The following CPNE7 variants were observed in gnomAD, a reference collection of about 807,000 sequenced individuals.
The protein encoded by CPNE7 is copine 7.
In CPNE7, 78 loss-of-function variants were observed where a neutral mutation model predicts 66.5. The observed-to-expected ratio is 1.17, with a 90% CI of 0.98 to 1.42. The LOEUF is 1.42. Among genes scored for constraint, CPNE7 ranks in the 40% most tolerant of loss-of-function variants. The pLI is 0.00. For synonymous variants in CPNE7, 468 were observed against 336.7 expected, an observed-to-expected ratio of 1.39 and a Z score of -4.27; for missense variants, 1,012 against 776.6, an observed-to-expected ratio of 1.30 and a Z score of -3.60.
Position 89,576,003 on chromosome 16 carries a change from C to T in CPNE7, c.106C>T (p.Arg36Cys). 2 of 1,375,756 alleles carry T rather than the reference C, an allele frequency of 1.5e-6. No homozygotes were observed. The highest frequency in any genetic ancestry group is 3.2e-5 in the Admixed American group (1 of 31,728). 85.2% of individuals were successfully genotyped at this position (1,375,756 alleles called of 1,614,324 possible). A position where few individuals can be genotyped will look rare whatever the true frequency, so the allele number is the denominator to read the frequency against. ...GCTCAGCTGCCGGCACCTGCTGGAC[C>T]GCGACCCGCTCACCAAGTCCGACCC... ...LRLSCRHLLDRDPLTKSDPSV... is the reference protein window; with the variant it reads ...LRLSCRHLLDCDPLTKSDPSV... The change falls in exon 1 of 15, where the codon CGC becomes TGC. Residue 36 changes from arginine to cysteine, a missense_variant. Coordinates refer to ENST00000319518, the MANE Select transcript of CPNE7 (RefSeq NM_153636.3).
At chr16:89,589,502 C>T (rs1406685740) in intron 10 of CPNE7, among the ~76,000 whole-genome samples, 1 of 152,136 alleles carries the variant, frequency 6.6e-6, no homozygotes, top group South Asian at 2.1e-4. Context: ...CAACACAGAC[C>T]CCTGGCCTGG....
intron 13 of CPNE7, among the ~76,000 whole-genome samples, chr16:89,592,541 C>G (rs1242900446): frequency 6.7e-6 from 1 of 149,956 alleles, no homozygotes; most frequent in Non-Finnish European, 1.5e-5. Context: ...CCTCCGAGTT[C>G]AAGCAATTCT....
Position 89,575,884 on chromosome 16 carries a change from C to G in CPNE7, c.-14C>G. 1 of 1,209,232 alleles carries G rather than the reference C, an allele frequency of 8.3e-7. No homozygotes were observed. Among genetic ancestry groups the G allele is most frequent in the Non-Finnish European group, 1.0e-6 (1 of 973,188 alleles). The allele number at this position is 1,209,232 out of a possible 1,614,324, so 74.9% of individuals were successfully genotyped here. On this transcript the variant is annotated 5_prime_UTR_variant, in exon 1 of 15. Transcript: ENST00000319518. ...CCCTCAGTGCGCCCAGCCGGGCCCC[C>G]GAACGCCGGGAGCATGAGCGCGGGC...
rs770474330 is a variant in CPNE7 at position 89,591,166 on chromosome 16, C to T, written c.1208C>T (p.Pro403Leu). 3 of 1,607,480 alleles carry T rather than the reference C, an allele frequency of 1.9e-6. No individual in the cohort carries two copies. The highest frequency in any genetic ancestry group is 1.1e-5 in the South Asian group (1 of 90,474). Residue 403 changes from proline (P) to leucine (L), a missense_variant, in exon 13 of 15, where the codon CCC becomes CTC. Coordinates refer to ENST00000319518, the MANE Select transcript of CPNE7 (RefSeq NM_153636.3). The part of the protein sequence containing the change: ...GVVEAYQNCL[P>L]RVQLYGPTNV... ...GTGGAGGCCTACCAGAACTGCCTGC[C>T]CAGGGTCCAGCTCTACGGCCCCACC... is the stretch of plus-strand genomic sequence containing the variant.
intron 3 of CPNE7, 102 bp downstream of exon 3, chr16:89,583,873 T>A: frequency 1.4e-6 from 2 of 1,468,548 alleles, no homozygotes. Context: ...CCAGGGAGGG[T>A]CTGCAGGAGC....
chr16:89,579,980 AACATCCCAT>A (rs2058925409), intron 2 of CPNE7, among the ~76,000 whole-genome samples: 1 of 34,716 alleles, frequency 2.9e-5, no homozygotes. Context: ...CGTCACACGG[AACATCCCAT>A]CACACGGAAC....
At position 89,596,731 on chromosome 16, in the gene CPNE7, T is replaced by G. The variant is rs1414396001; in HGVS notation, c.*110T>G. 4 of 1,268,018 alleles carry G rather than the reference T, an allele frequency of 3.2e-6. No individual in the cohort carries two copies. In the African/African-American group the frequency reaches 4.7e-5, roughly 15 times the overall value. The allele number at this position is 1,268,018 out of a possible 1,614,324, so 78.5% of individuals were successfully genotyped here. On this transcript the variant is annotated 3_prime_UTR_variant, in exon 15 of 15. Transcript: ENST00000319518. ...CCTCCGACCTCCCAGAAGCCTCCAG[T>G]CCCCACCAGGCCCCACTCCCAGTCC...
In CPNE7 at chr16:89,588,951, T is replaced by A. The variant is rs1033120081; in HGVS notation, c.1061+143T>A. The A allele has an allele frequency of 1.9e-5, 19 of 986,998 alleles. No homozygotes were observed. The African/African-American group carries it at 3.1e-4, about 16-fold the overall frequency. The allele number at this position is 986,998 out of a possible 1,614,324, so 61.1% of individuals were successfully genotyped here. On this transcript the variant is annotated intron_variant, in intron 10 of 14. Transcript: ENST00000319518. Reference sequence around the variant, plus strand: ...CCGGTTTTCCCTCACCCCCCTGGGCTCCAGGTCAGGCCTCGGGGCACCATG... The same window carrying A: ...CCGGTTTTCCCTCACCCCCCTGGGCACCAGGTCAGGCCTCGGGGCACCATG...
In CPNE7 at chr16:89,588,205, C is replaced by CACA. The variant is rs1207699570; in HGVS notation, c.928-470_928-469insACA. Among the ~76,000 whole-genome samples the CACA allele has an allele frequency of 2.9e-3, 51 of 17,708 alleles. 2 individuals carry two copies. The highest frequency in any genetic ancestry group is 7.8e-3 in the South Asian group (4 of 516). 11.6% of individuals were successfully genotyped at this position (17,708 alleles called of 152,430 possible). On this transcript the variant is annotated intron_variant, in intron 9 of 14. Coordinates refer to ENST00000319518, the MANE Select transcript of CPNE7 (RefSeq NM_153636.3). The stretch of plus-strand genomic sequence containing the variant: ...ACAGATACACGGCCCCCGTGTCACC[C>CACA]GCGTGTCACCCACAGATACACGGCC...
intron 14 of CPNE7, 75 bp from the exon 15 acceptor site, chr16:89,596,409 C>T: frequency 6.5e-7 from 1 of 1,534,026 alleles, no homozygotes. Context: ...GAGGCCTGGG[C>T]CATAATCCAG....
At chr16:89,576,788 C>T (rs554996375) in intron 1 of CPNE7, among the ~76,000 whole-genome samples, 2 of 152,336 alleles carry the variant, frequency 1.3e-5, no homozygotes, top group East Asian at 3.9e-4. Context: ...GCCCGGGCGG[C>T]TGCTCGGGCG....
rs1254518808 is a variant in CPNE7, at chr16:89,596,820, C to CT, written c.*199_*200insT. 49 of 585,100 alleles carry CT rather than the reference C, an allele frequency of 8.4e-5. No individual in the cohort carries two copies. Among genetic ancestry groups the CT allele is most frequent in the Non-Finnish European group, 1.2e-4 (46 of 368,800 alleles). 36.2% of individuals were successfully genotyped at this position (585,100 alleles called of 1,614,324 possible). A position where few individuals can be genotyped will look rare whatever the true frequency, so the allele number is the denominator to read the frequency against. Reference sequence around the variant, plus strand: ...CCCAAGGCCGAAGGGTGACAAAATACAGGCCCCCATGCCTGGCCCTGCCTG... The same window carrying CT: ...CCCAAGGCCGAAGGGTGACAAAATACTAGGCCCCCATGCCTGGCCCTGCCTG... On this transcript the variant is annotated 3_prime_UTR_variant, in exon 15 of 15. Transcript: ENST00000319518.
chr16:89,587,420 C>T, intron 9 of CPNE7: 1 of 377,464 alleles, frequency 2.6e-6, no homozygotes, highest in Non-Finnish European at 5.3e-6. Context: ...GAGCCGATGT[C>T]TCCATGCGCG....
chr16:89,590,099 C>T (rs1311582414), intron 11 of CPNE7, 148 bp downstream of exon 11: 2 of 910,446 alleles, frequency 2.2e-6, no homozygotes, highest in Non-Finnish European at 3.3e-6. Context: ...GAACCCCAGC[C>T]TTCTAGCCAG....
intron 2 of CPNE7, 72 bp from the exon 3 acceptor site, chr16:89,583,625 G>A: frequency 2.5e-6 from 4 of 1,607,354 alleles, no homozygotes; most frequent in Non-Finnish European, 3.4e-6. Context: ...TCCGGGTGAG[G>A]GCGCGGTGGG....
At chr16:89,586,261 GCCC>G (rs915827604) in intron 7 of CPNE7, among the ~76,000 whole-genome samples, 7 of 152,062 alleles carry the variant, frequency 4.6e-5, no homozygotes, top group Non-Finnish European at 5.9e-5. Flanking sequence ...AGCAGGGGTG[GCCC>G]CCATCAGGTT....
intron 5 of CPNE7, among the ~76,000 whole-genome samples, chr16:89,585,173 T>G (rs1363213528): frequency 1.3e-5 from 2 of 152,190 alleles, no homozygotes; most frequent in Non-Finnish European, 2.9e-5. Context: ...AGAAATTAAC[T>G]TGAGTGAAAA....
At chr16:89,593,496 G>T (rs1011418070) in intron 13 of CPNE7, among the ~76,000 whole-genome samples, 1 of 151,898 alleles carries the variant, frequency 6.6e-6, no homozygotes, top group African/African-American at 2.4e-5. Context: ...GGGACTACAG[G>T]CGCCCGCCAC....
intron 2 of CPNE7, chr16:89,578,827 G>A (rs373180490): frequency 4.4e-6 from 7 of 1,585,638 alleles, no homozygotes; most frequent in Non-Finnish European, 6.0e-6. Context: ...TGCTTCCTTG[G>A]TGATGCTCTC....
Sources: gnomAD v4.1 joint callset for allele counts (sites outside exome capture counted in the v4.1 genomes callset) on GRCh38, gnomAD v4.1.1 for gene constraint, MANE v1.5 for transcripts, NCBI Gene and HGNC (gene_info 2026-07-23, HGNC 2026-07-21) for gene names.